The following MRPS14 variants were observed in gnomAD, a reference collection of about 807,000 sequenced individuals.
MRPS14 encodes small ribosomal subunit protein uS14m.
MRPS14 carries 14 observed loss-of-function variants against 16.4 expected under a neutral mutation model. The observed-to-expected ratio is 0.85, with a 90% CI of 0.56 to 1.33. The LOEUF is 1.33. Among genes scored for constraint, MRPS14 ranks in the 40% most tolerant of loss-of-function variants. The pLI is 0.00. For missense variants in MRPS14, 162 were observed against 176.8 expected (o/e 0.92, Z 0.48); for synonymous variants, 54 against 61.9 (o/e 0.87, Z 0.60).
rs749935224 is a variant in MRPS14 at position 175,014,817 on chromosome 1, C to T, written c.239G>A (p.Arg80Gln). ...TCTGATTCTAACAGGACAGCTATCCCGGGGGAGGGCAGCAATTTCTTCATC... is the reference window on the plus strand; with the variant it reads ...TCTGATTCTAACAGGACAGCTATCCTGGGGGAGGGCAGCAATTTCTTCATC... ...VADEEIAALP[R>Q]DSCPVRIRNR... Residue 80 changes from arginine (R) to glutamine (Q), a missense_variant, in exon 3 of 3, where the codon CGG becomes CAG. Transcript: ENST00000476371. 1.2e-5 allele frequency: 20 copies of T among 1,613,794 alleles called. No homozygotes were observed. Among genetic ancestry groups the T allele is most frequent in the South Asian group, 2.2e-5 (2 of 91,078 alleles).
chr1:175,018,424 A>C lies in MRPS14; in HGVS notation c.198T>G (p.Ile66Met), dbSNP rs1321357496. The C allele has an allele frequency of 1.3e-6, 2 of 1,596,508 alleles. No homozygotes were observed. The highest frequency in any genetic ancestry group is 2.7e-5 in the African/African-American group (2 of 74,114). Reference sequence around the variant, plus strand: ...CTCATCTTAATTAGCTAACCTGAAGAATTTTTGGCAAAATGGTATTCTTCC... The same window carrying C: ...CTCATCTTAATTAGCTAACCTGAAGCATTTTTGGCAAAATGGTATTCTTCC... Reference protein sequence around the residue: ...SLRKNTILPKILQDVADEEIA... With the variant: ...SLRKNTILPKMLQDVADEEIA... The change falls in exon 2 of 3, where the codon ATT becomes ATG. Residue 66 changes from isoleucine (I) to methionine (M), a missense_variant. Ile to Met is a conservative substitution (Grantham distance 10). Coordinates refer to ENST00000476371, the MANE Select transcript of MRPS14 (RefSeq NM_022100.3).
At chr1:175,018,636 T>C in intron 1 of MRPS14, 60 bp from the exon 2 acceptor site, 2 of 1,436,714 alleles carry the variant, frequency 1.4e-6, no homozygotes, top group East Asian at 2.4e-5. Context: ...TGAGTGTTCC[T>C]CAACCCTGCA....
In MRPS14 at chr1:175,014,510, T is replaced by C. The variant is rs1036489435; in HGVS notation, c.*159A>G. 6 of 613,162 alleles carry C rather than the reference T, an allele frequency of 9.8e-6. No homozygotes were observed. Among genetic ancestry groups the C allele is most frequent in the African/African-American group, 5.6e-5 (3 of 53,750 alleles). The allele number at this position is 613,162 out of a possible 1,614,324, so 38.0% of individuals were successfully genotyped here. A position where few individuals can be genotyped will look rare whatever the true frequency, so the allele number is the denominator to read the frequency against. ...AATTCACTGACATGAAACACCCAAA[T>C]GTCTTCATTTTAAAAGTAGTTTAGA... On this transcript the variant is annotated 3_prime_UTR_variant, in exon 3 of 3. Coordinates refer to ENST00000476371, the MANE Select transcript of MRPS14 (RefSeq NM_022100.3).
In MRPS14 at chr1:175,013,297, TC is replaced by T. The variant is rs1672814450; in HGVS notation, c.*1371del. On this transcript the variant is annotated 3_prime_UTR_variant, in exon 3 of 3. Coordinates refer to ENST00000476371, the MANE Select transcript of MRPS14 (RefSeq NM_022100.3). ...AACACCGCATGACTGGAACCTGAAC[TC>T]GCTTATCTTCTGTTTCCCCTAAATT... The T allele has an allele frequency of 6.6e-6, 1 of 152,380 alleles. No homozygotes were observed. The highest frequency in any genetic ancestry group is 2.1e-4 in the South Asian group (1 of 4,830). The allele number at this position is 152,380 out of a possible 1,614,324, so 9.4% of individuals were successfully genotyped here.
chr1:175,021,086 C>T (rs1672971283), intron 1 of MRPS14, among the ~76,000 whole-genome samples: 1 of 152,122 alleles, frequency 6.6e-6, no homozygotes, highest in Admixed American at 6.5e-5. Flanking sequence ...CTTTTTCTTC[C>T]ATAACTGGGC....
chr1:175,022,441 CTCT>C (rs1558331988), intron 1 of MRPS14: 4 of 131,576 alleles, frequency 3.0e-5, no homozygotes, highest in Admixed American at 7.7e-5. Context: ...TAGCCTCTCT[CTCT>C]TTTTTTTTTT....
Position 175,013,543 on chromosome 1 carries a change from C to A in MRPS14, c.*1126G>T, listed in dbSNP as rs978117573. On this transcript the variant is annotated 3_prime_UTR_variant, in exon 3 of 3. Transcript: ENST00000476371. ...TAGTTCAGGCCTTCATCTTCCTCAA[C>A]AACTAAGACATCCTCCTAACTGGTT... The A allele has an allele frequency of 6.6e-6, 1 of 152,238 alleles. No individual in the cohort carries two copies. The highest frequency in any genetic ancestry group is 2.4e-5 in the African/African-American group (1 of 41,454). The allele number at this position is 152,238 out of a possible 1,614,324, so 9.4% of individuals were successfully genotyped here. A position where few individuals can be genotyped will look rare whatever the true frequency, so the allele number is the denominator to read the frequency against.
At chr1:175,021,401 C>T (rs766668779) in intron 1 of MRPS14, among the ~76,000 whole-genome samples, 1 of 152,136 alleles carries the variant, frequency 6.6e-6, no homozygotes, top group Non-Finnish European at 1.5e-5. Context: ...GACTTTTGTC[C>T]TCCACTCTTG....
intron 2 of MRPS14, among the ~76,000 whole-genome samples, chr1:175,016,310 A>C (rs1574116538): frequency 6.6e-6 from 1 of 152,212 alleles, no homozygotes; most frequent in African/African-American, 2.4e-5. Context: ...GCCAAGTTTC[A>C]TGGAGGTGGA....
chr1:175,018,227 G>T (rs145804211), intron 2 of MRPS14, among the ~76,000 whole-genome samples, 191 bp downstream of exon 2: 110 of 152,258 alleles, frequency 7.2e-4, no homozygotes, highest in African/African-American at 2.4e-3. Flanking sequence ...CAGTTGTAAG[G>T]CTAGTTAGGA....
intron 2 of MRPS14, among the ~76,000 whole-genome samples, chr1:175,016,741 C>T (rs1257812813): frequency 6.6e-6 from 1 of 152,166 alleles, no homozygotes; most frequent in Non-Finnish European, 1.5e-5. Flanking sequence ...GAAATGATTA[C>T]CACAATGAAG....
intron 1 of MRPS14, among the ~76,000 whole-genome samples, chr1:175,020,160 G>C (rs1245460548): frequency 6.6e-6 from 1 of 152,190 alleles, no homozygotes; most frequent in East Asian, 1.9e-4. Context: ...TTGAAATCTT[G>C]ACAGCAATTC....
chr1:175,022,796 C>T (rs556518304), intron 1 of MRPS14, among the ~76,000 whole-genome samples: 3 of 151,632 alleles, frequency 2.0e-5, no homozygotes, highest in South Asian at 4.2e-4. Flanking sequence ...ATCTATACTC[C>T]ACTTTATTTC....
At chr1:175,020,399 T>C (rs1436283651) in intron 1 of MRPS14, among the ~76,000 whole-genome samples, 1 of 152,250 alleles carries the variant, frequency 6.6e-6, no homozygotes, top group African/African-American at 2.4e-5. Flanking sequence ...TGAATTCTTT[T>C]TCAAAGTATT....
At chr1:175,021,389 A>G (rs1461490704) in intron 1 of MRPS14, among the ~76,000 whole-genome samples, 3 of 152,170 alleles carry the variant, frequency 2.0e-5, no homozygotes, top group African/African-American at 7.2e-5. Flanking sequence ...CTCTCCTTCA[A>G]TGACTTTTGT....
intron 2 of MRPS14, among the ~76,000 whole-genome samples, chr1:175,015,716 AGT>A (rs563168180): frequency 3.0e-4 from 46 of 152,302 alleles, no homozygotes; most frequent in African/African-American, 9.6e-4. Flanking sequence ...TGTGTTCAAG[AGT>A]GTGAGTGTTC....
intron 2 of MRPS14, among the ~76,000 whole-genome samples, chr1:175,015,072 C>T (rs1270154286): frequency 6.6e-6 from 1 of 151,792 alleles, no homozygotes; most frequent in African/African-American, 2.4e-5. Flanking sequence ...CTCAGCCTCC[C>T]GAGTAGCTGA....
rs368068470 is a variant in MRPS14 at position 175,023,416 on chromosome 1, G to A, written c.-8C>T. 9.3e-6 allele frequency: 15 copies of A among 1,614,010 alleles called. No homozygotes were observed. Among genetic ancestry groups the A allele is most frequent in the Admixed American group, 1.7e-5 (1 of 60,004 alleles). On this transcript the variant is annotated 5_prime_UTR_variant, in exon 1 of 3. Transcript: ENST00000476371. The stretch of plus-strand genomic sequence containing the variant: ...CAGCATGAAGGCCGCCATGTTGTCC[G>A]CTACAAACTACAAACCGCTGAAACT...
chr1:175,013,400 C>CAGGA lies in MRPS14; in HGVS notation c.*1265_*1268dup, dbSNP rs1672817377. 6.6e-6 allele frequency: 1 copy of CAGGA among 152,178 alleles called. No homozygotes were observed. Among genetic ancestry groups the CAGGA allele is most frequent in the Non-Finnish European group, 1.5e-5 (1 of 68,032 alleles). 9.4% of individuals were successfully genotyped at this position (152,178 alleles called of 1,614,324 possible). On this transcript the variant is annotated 3_prime_UTR_variant, in exon 3 of 3. Coordinates refer to ENST00000476371, the MANE Select transcript of MRPS14 (RefSeq NM_022100.3). The stretch of plus-strand genomic sequence containing the variant: ...CTACCATCTATCTAGACACTTTTAT[C>CAGGA]AGGAACCCAGAGAACCATCTTTACC...
Sources: gnomAD v4.1 joint callset for allele counts (sites outside exome capture counted in the v4.1 genomes callset) on GRCh38, gnomAD v4.1.1 for gene constraint, MANE v1.5 for transcripts, NCBI Gene and HGNC (gene_info 2026-07-23, HGNC 2026-07-21) for gene names.